The following TMEM117 variants were observed in gnomAD, a reference collection of about 807,000 sequenced individuals.
TMEM117 encodes the protein transmembrane protein 117.
Under a neutral mutation model 52.4 loss-of-function variants are expected in TMEM117, and 27 were observed. That is an observed-to-expected ratio of 0.51 (90% confidence interval 0.38 to 0.71). The LOEUF (loss-of-function observed/expected upper bound fraction) is 0.71. Among genes scored for constraint, TMEM117 ranks in the 30% least tolerant of loss-of-function variants. The pLI is 0.00. For synonymous variants in TMEM117, 215 were observed against 206.3 expected, an observed-to-expected ratio of 1.04 and a Z score of -0.36; for missense variants, 556 against 630.5, an observed-to-expected ratio of 0.88 and a Z score of 1.26.
intron 3 of TMEM117, among the ~76,000 whole-genome samples, chr12:44,111,709 G>A (rs1376209412): frequency 1.4e-5 from 2 of 141,526 alleles, no homozygotes; most frequent in Non-Finnish European, 3.0e-5. Context: ...GAGTTCTGTA[G>A]ATGTCTATTA....
intron 3 of TMEM117, among the ~76,000 whole-genome samples, chr12:44,045,128 C>T (rs1238133955): frequency 6.6e-6 from 1 of 152,186 alleles, no homozygotes; most frequent in African/African-American, 2.4e-5. Flanking sequence ...CAACCTCTTT[C>T]CCCAGTCACC....
intron 3 of TMEM117, among the ~76,000 whole-genome samples, chr12:43,959,215 G>C (rs1945361872): frequency 6.6e-6 from 1 of 152,174 alleles, no homozygotes; most frequent in South Asian, 2.1e-4. Context: ...GAAAGAAATT[G>C]TTCAAGATCC....
At chr12:44,267,520 T>A (rs537274117) in intron 5 of TMEM117, among the ~76,000 whole-genome samples, 14 of 152,336 alleles carry the variant, frequency 9.2e-5, no homozygotes, top group African/African-American at 3.1e-4. Flanking sequence ...TTATTATTTG[T>A]ATGATAAGAA....
chr12:44,120,155 G>A (rs1948209729), intron 3 of TMEM117, among the ~76,000 whole-genome samples: 1 of 151,818 alleles, frequency 6.6e-6, no homozygotes, highest in African/African-American at 2.4e-5. Flanking sequence ...ATTGTGAAGA[G>A]GAAATGACAG....
chr12:44,114,074 G>A (rs1044428318), intron 3 of TMEM117, among the ~76,000 whole-genome samples: 4 of 147,970 alleles, frequency 2.7e-5, no homozygotes, highest in South Asian at 4.3e-4. Flanking sequence ...GCTCGCGCAC[G>A]GTGCGCACAC....
the TMEM117 span, among the ~76,000 whole-genome samples, chr12:43,821,374 G>A: frequency 6.6e-6 from 1 of 152,138 alleles, no homozygotes; most frequent in African/African-American, 2.4e-5. Flanking sequence ...TCAACCTCTT[G>A]GGCTTATGCA....
chr12:44,068,093 C>T (rs1298333420), intron 3 of TMEM117, among the ~76,000 whole-genome samples: 1 of 152,182 alleles, frequency 6.6e-6, no homozygotes, highest in African/African-American at 2.4e-5. Flanking sequence ...GACATTTCTT[C>T]TGCAGCTTCG....
chr12:44,100,455 G>A (rs1947842804), intron 3 of TMEM117, among the ~76,000 whole-genome samples: 2 of 151,910 alleles, frequency 1.3e-5, no homozygotes, highest in South Asian at 4.1e-4. Flanking sequence ...ACACGTTAAT[G>A]CCTAATGCTT....
Position 44,014,790 on chromosome 12 carries a change from T to C in TMEM117, c.410+70448T>C, listed in dbSNP as rs190862926. Among the ~76,000 whole-genome samples, 20 of 152,338 alleles carry C rather than the reference T, an allele frequency of 1.3e-4. 1 individual carries two copies. The highest frequency in any genetic ancestry group is 1.2e-3 in the Admixed American group (18 of 15,290). ...CTTTTCTTTCTTTCTTCCTTCATTT[T>C]CTTTGTTCTCCTTACTCTGATCTTT... is the stretch of plus-strand genomic sequence containing the variant. On this transcript the variant is annotated intron_variant, in intron 3 of 7. Coordinates refer to ENST00000266534, the MANE Select transcript of TMEM117 (RefSeq NM_032256.3).
chr12:44,042,799 CA>C lies in TMEM117; in HGVS notation c.410+98458del, dbSNP rs1205598789. On this transcript the variant is annotated intron_variant, in intron 3 of 7. Transcript: ENST00000266534. Reference sequence around the variant, plus strand: ...ACACACACACACACACACACACACACACACACACACTTATTAGTTCTGCCCC... The same window carrying C: ...ACACACACACACACACACACACACACCACACACACTTATTAGTTCTGCCCC... Among the ~76,000 whole-genome samples, 318 of 145,388 alleles carry C rather than the reference CA, an allele frequency of 2.2e-3. 1 individual carries two copies. Among genetic ancestry groups the C allele is most frequent in the Admixed American group, 9.7e-3 (145 of 14,988 alleles).
At chr12:44,243,140 A>G (rs2138487491) in intron 5 of TMEM117, among the ~76,000 whole-genome samples, 1 of 152,126 alleles carries the variant, frequency 6.6e-6, no homozygotes, top group Non-Finnish European at 1.5e-5. Context: ...AGTTCCTTAT[A>G]GATGCTAGAT....
intron 3 of TMEM117, among the ~76,000 whole-genome samples, chr12:44,067,968 T>C (rs1947247039): frequency 6.6e-6 from 1 of 152,254 alleles, no homozygotes; most frequent in South Asian, 2.1e-4. Flanking sequence ...GAGCTGGATC[T>C]TCTGGATAGC....
At chr12:44,287,640 A>T (rs1262206785) in intron 5 of TMEM117, among the ~76,000 whole-genome samples, 1 of 152,204 alleles carries the variant, frequency 6.6e-6, no homozygotes, top group Non-Finnish European at 1.5e-5. Context: ...TGAAAAATGA[A>T]AATGAATGAA....
chr12:44,247,401 G>C (rs1485435762), intron 5 of TMEM117, among the ~76,000 whole-genome samples: 2 of 152,156 alleles, frequency 1.3e-5, no homozygotes, highest in Non-Finnish European at 2.9e-5. Flanking sequence ...TTAAATGCCA[G>C]AGAAACAAGG....
At chr12:44,105,762 C>T (rs1328530927) in intron 3 of TMEM117, among the ~76,000 whole-genome samples, 2 of 151,940 alleles carry the variant, frequency 1.3e-5, no homozygotes, top group Non-Finnish European at 2.9e-5. Context: ...GTCAGATAGG[C>T]TCTGATCAAA....
At chr12:44,365,071 A>T (rs184879899) in intron 6 of TMEM117, among the ~76,000 whole-genome samples, 1 of 152,074 alleles carries the variant, frequency 6.6e-6, no homozygotes, top group South Asian at 2.1e-4. Context: ...GGGAGATAGT[A>T]TTCATTACTA....
rs12301137 is a variant in TMEM117, at chr12:44,210,841, C to T, written c.511-449C>T. Among the ~76,000 whole-genome samples, 1,236 of 151,856 alleles carry T rather than the reference C, an allele frequency of 8.1e-3. 22 individuals are homozygous for T. The highest frequency in any genetic ancestry group is 0.028 in the African/African-American group (1,149 of 41,440). The stretch of plus-strand genomic sequence containing the variant: ...AATAAATATGCTGTAGAACTGGGTA[C>T]GAGTACTTTACCACACATATAGCTG... On this transcript the variant is annotated intron_variant, in intron 4 of 7. Coordinates refer to ENST00000266534, the MANE Select transcript of TMEM117 (RefSeq NM_032256.3).
intron 3 of TMEM117, among the ~76,000 whole-genome samples, chr12:44,070,759 G>C (rs1213055471): frequency 1.3e-5 from 2 of 152,192 alleles, no homozygotes; most frequent in African/African-American, 4.8e-5. Flanking sequence ...AGCATTATAT[G>C]AATACCTTGT....
At chr12:44,156,654 A>G (rs763033971) in intron 4 of TMEM117, among the ~76,000 whole-genome samples, 3 of 152,082 alleles carry the variant, frequency 2.0e-5, no homozygotes, top group Non-Finnish European at 4.4e-5. Context: ...GACATATTCT[A>G]TGTCAAAATC....
Sources: allele counts gnomAD v4.1 joint callset (sites outside exome capture counted in the v4.1 genomes callset), GRCh38; gene constraint gnomAD v4.1.1; transcripts MANE v1.5; gene names NCBI Gene and HGNC (gene_info 2026-07-23, HGNC 2026-07-21).